ARHGEF28: variants seen among roughly 807,000 people sequenced by gnomAD.
The protein encoded by ARHGEF28 is Rho guanine nucleotide exchange factor 28.
A neutral mutation model predicts 206.6 loss-of-function variants in ARHGEF28; 152 were observed. That is an observed-to-expected ratio of 0.74 (90% CI 0.64 to 0.84). The LOEUF is 0.84. Among genes scored for constraint, ARHGEF28 ranks in the 40% least tolerant of loss-of-function variants. The pLI is 0.00. For synonymous variants in ARHGEF28, 763 were observed against 776.4 expected (o/e 0.98, Z 0.29); for missense variants, 2,028 against 2,073.2 (o/e 0.98, Z 0.42).
At chr5:73,891,706 G>C (rs1053803521) in intron 26 of ARHGEF28, among the ~76,000 whole-genome samples, 1 of 151,976 alleles carries the variant, frequency 6.6e-6, no homozygotes, top group African/African-American at 2.4e-5. Flanking sequence ...TGTGTTTTTA[G>C]TATAGATGGG....
At position 73,844,859 on chromosome 5, in the gene ARHGEF28, C is replaced by T. The variant is rs143106117; in HGVS notation, c.1428-1409C>T. Among the ~76,000 whole-genome samples, 144 of 149,910 alleles carry T rather than the reference C, an allele frequency of 9.6e-4. 2 individuals are homozygous for T. The highest frequency in any genetic ancestry group is 5.2e-3 in the Admixed American group (78 of 15,080). ...AAGCTGTTGGCCTCCAAGTTTGAGTCGTTTAAAACGTAATGTTATGGAATA... is the reference window on the plus strand; with the variant it reads ...AAGCTGTTGGCCTCCAAGTTTGAGTTGTTTAAAACGTAATGTTATGGAATA... On this transcript the variant is annotated intron_variant, in intron 11 of 35. Transcript: ENST00000513042.
At chr5:73,773,826 TAA>T (rs772499461) in intron 4 of ARHGEF28, 27 bp from the exon 5 acceptor site, 3 of 1,542,050 alleles carry the variant, frequency 1.9e-6, no homozygotes, top group Non-Finnish European at 2.6e-6. Context: ...ATGGAGGAAC[TAA>T]TATGGTATGT....
intron 11 of ARHGEF28, 105 bp from the exon 12 acceptor site, chr5:73,846,162 CA>C: frequency 2.0e-6 from 2 of 1,009,340 alleles, no homozygotes; most frequent in Middle Eastern, 3.2e-4. Flanking sequence ...ATACCTATTG[CA>C]CCCCCCCCGC....
chr5:73,882,953 A>G (rs537957460), intron 23 of ARHGEF28, among the ~76,000 whole-genome samples: 2 of 152,306 alleles, frequency 1.3e-5, no homozygotes, highest in African/African-American at 4.8e-5. Flanking sequence ...ATGACATCAT[A>G]TAATTTCATC....
intron 35 of ARHGEF28, among the ~76,000 whole-genome samples, chr5:73,926,995 A>G (rs949601382): frequency 6.6e-6 from 1 of 152,146 alleles, no homozygotes; most frequent in Non-Finnish European, 1.5e-5. Flanking sequence ...TGGTAATGCC[A>G]TAGCTCCTTC....
intron 6 of ARHGEF28, 197 bp from the exon 7 acceptor site, chr5:73,780,479 G>T: frequency 1.7e-6 from 1 of 573,010 alleles, no homozygotes. Context: ...CCCCTGCCTT[G>T]GAGTTTCTCC....
intron 23 of ARHGEF28, 134 bp downstream of exon 23, chr5:73,882,728 T>G: frequency 2.4e-6 from 2 of 823,256 alleles, no homozygotes; most frequent in Non-Finnish European, 3.6e-6. Context: ...GGTGGAATGT[T>G]TGTGACAAAG....
intron 8 of ARHGEF28, 31 bp downstream of exon 8, chr5:73,794,485 C>T (rs372325821): frequency 1.3e-6 from 2 of 1,514,814 alleles, no homozygotes; most frequent in African/African-American, 1.4e-5. Flanking sequence ...TCTTTCTTTG[C>T]ACGTCTTTCC....
rs747977484 is a variant in ARHGEF28, at chr5:73,892,015, A to G, written c.3388-37A>G. The G allele has an allele frequency of 3.2e-6, 5 of 1,562,528 alleles. No individual in the cohort carries two copies. The South Asian group carries it at 4.8e-5, about 15-fold the overall frequency. The stretch of plus-strand genomic sequence containing the variant: ...TTTACGGAGCCTTACTTTAGCTAGG[A>G]TGCTGTTTCATCTGCTCACCTTCCT... On this transcript the variant is annotated intron_variant, in intron 26 of 35. Coordinates refer to ENST00000513042, the MANE Select transcript of ARHGEF28 (RefSeq NM_001177693.2).
intron 1 of ARHGEF28, among the ~76,000 whole-genome samples, chr5:73,653,382 A>G (rs1258493552): frequency 6.6e-6 from 1 of 152,242 alleles, no homozygotes; most frequent in Non-Finnish European, 1.5e-5. Context: ...TATTGAGTGA[A>G]TATTAGTAAT....
chr5:73,794,552 A>G, intron 8 of ARHGEF28, 98 bp downstream of exon 8: 1 of 981,112 alleles, frequency 1.0e-6, no homozygotes, highest in Non-Finnish European at 1.5e-6. Flanking sequence ...CACTAAAAAA[A>G]GGATGTGCCC....
Position 73,832,356 on chromosome 5 carries a change from TA to T in ARHGEF28, c.1050del (p.Lys350AsnfsTer18). The T allele has an allele frequency of 6.2e-7, 1 of 1,612,570 alleles. No homozygotes were observed. The highest frequency in any genetic ancestry group is 8.5e-7 in the Non-Finnish European group (1 of 1,179,242). On this transcript the variant is annotated frameshift_variant, in exon 10 of 36. Transcript: ENST00000513042. LOFTEE classifies it high-confidence loss of function. ...SLDLDRSFDI[L>X]KKSKPPSTLL... Reference sequence around the variant, plus strand: ...ACTCTAGATCGCTCCTTCGATATCCTAAAAAAATCCAAGCCGCCCTCGACAT... The same window carrying T: ...ACTCTAGATCGCTCCTTCGATATCCTAAAAAATCCAAGCCGCCCTCGACAT...
chr5:73,847,689 A>T (rs1370430280), intron 12 of ARHGEF28, among the ~76,000 whole-genome samples: 1 of 152,224 alleles, frequency 6.6e-6, no homozygotes, highest in Non-Finnish European at 1.5e-5. Context: ...AACCATAAAT[A>T]TATCTGCCTT....
At chr5:73,628,901 T>C (rs142719276) in intron 1 of ARHGEF28, among the ~76,000 whole-genome samples, 2 of 152,196 alleles carry the variant, frequency 1.3e-5, no homozygotes, top group Non-Finnish European at 2.9e-5. Flanking sequence ...CCAGTCTCTG[T>C]GACCCTTAGT....
chr5:73,646,147 T>C (rs1470514625), intron 1 of ARHGEF28, among the ~76,000 whole-genome samples: 1 of 152,142 alleles, frequency 6.6e-6, no homozygotes, highest in Non-Finnish European at 1.5e-5. Context: ...CAAAAGTCTG[T>C]TTTTACATCT....
chr5:73,789,871 G>A (rs1296946530), intron 7 of ARHGEF28, among the ~76,000 whole-genome samples: 1 of 152,040 alleles, frequency 6.6e-6, no homozygotes, highest in Non-Finnish European at 1.5e-5. Context: ...GAGACTGCTA[G>A]CAAGCCTGCC....
At chr5:73,868,259 G>T in intron 20 of ARHGEF28, 32 bp downstream of exon 20, 1 of 1,528,608 alleles carries the variant, frequency 6.5e-7, no homozygotes. Context: ...ATTTATTTGT[G>T]TTTTTGTTAG....
chr5:73,688,899 C>T (rs1003986620), intron 2 of ARHGEF28, among the ~76,000 whole-genome samples: 1 of 152,184 alleles, frequency 6.6e-6, no homozygotes, highest in Non-Finnish European at 1.5e-5. Flanking sequence ...TGTGATCCAC[C>T]CACCTCGGCC....
chr5:73,695,326 G>T (rs1206706377), intron 2 of ARHGEF28, among the ~76,000 whole-genome samples: 5 of 151,980 alleles, frequency 3.3e-5, no homozygotes, highest in African/African-American at 1.2e-4. Flanking sequence ...CTCCTCTGTT[G>T]TGTGGGTGTT....
Sources: allele counts gnomAD v4.1 joint callset (sites outside exome capture counted in the v4.1 genomes callset), GRCh38; gene constraint gnomAD v4.1.1; transcripts MANE v1.5; gene names NCBI Gene and HGNC (gene_info 2026-07-23, HGNC 2026-07-21).